The following ZNF100 variants were observed in gnomAD, a reference collection of about 807,000 sequenced individuals.
The protein encoded by ZNF100 is zinc finger protein 100 (Y1).
ZNF100 carries 12 observed loss-of-function variants against 15.8 expected under a neutral mutation model. The observed-to-expected ratio is 0.76, with a 90% confidence interval of 0.49 to 1.23. The LOEUF is 1.23. ZNF100 is among the 50% of genes most tolerant of loss of function. The probability of loss-of-function intolerance (pLI) is 0.00; values close to 1 mark genes in which losing one functional copy is unlikely to be tolerated. For synonymous variants in ZNF100, 226 were observed against 214.8 expected (o/e 1.05, Z -0.45); for missense variants, 670 against 635.6 (o/e 1.05, Z -0.58).
rs1326049177 is a variant in ZNF100, at chr19:21,724,209, TA to T, written c.*2473del. On this transcript the variant is annotated 3_prime_UTR_variant, in exon 5 of 5. Transcript: ENST00000358296. ...ACAAAGCAGAGAATACATTTTCTTT[TA>T]GCATTTTTGAGGCTTTTAGTTTTCT... The T allele has an allele frequency of 6.6e-6, 1 of 152,198 alleles. No homozygotes were observed. The highest frequency in any genetic ancestry group is 1.5e-5 in the Non-Finnish European group (1 of 68,016). 9.4% of individuals were successfully genotyped at this position (152,198 alleles called of 1,614,324 possible).
At chr19:21,752,088 G>A in intron 2 of ZNF100, 1 of 206,952 alleles carries the variant, frequency 4.8e-6, no homozygotes, top group Non-Finnish European at 9.5e-6. Flanking sequence ...GAAAAGAATG[G>A]GACCTTGTCA....
chr19:21,729,449 T>G (rs2035874572), intron 4 of ZNF100, among the ~76,000 whole-genome samples: 5 of 151,376 alleles, frequency 3.3e-5, no homozygotes, highest in Admixed American at 3.3e-4. Context: ...GGGATAGCAT[T>G]AGGAGAAATA....
chr19:21,743,692 T>TC (rs1344311859), intron 4 of ZNF100, among the ~76,000 whole-genome samples: 1 of 151,814 alleles, frequency 6.6e-6, no homozygotes, highest in Admixed American at 6.6e-5. Context: ...TATCTGTGTG[T>TC]CCCCCCAAAT....
At chr19:21,756,590 T>G (rs747566608) in intron 2 of ZNF100, among the ~76,000 whole-genome samples, 1 of 152,082 alleles carries the variant, frequency 6.6e-6, no homozygotes, top group Non-Finnish European at 1.5e-5. Context: ...AAGTGAGAGA[T>G]GACATAAACA....
intron 2 of ZNF100, chr19:21,747,004 A>G (rs2036223130): frequency 1.3e-5 from 2 of 152,184 alleles, no homozygotes; most frequent in Admixed American, 1.3e-4. Context: ...AAGTCCACCC[A>G]TACCTCTCCC....
intron 2 of ZNF100, among the ~76,000 whole-genome samples, chr19:21,761,969 G>A (rs951048644): frequency 4.6e-5 from 7 of 152,196 alleles, no homozygotes; most frequent in African/African-American, 1.7e-4. Flanking sequence ...TGGCTCACCA[G>A]CACTTGGGAG....
At chr19:21,740,557 A>G (rs574845912) in intron 4 of ZNF100, among the ~76,000 whole-genome samples, 27 of 152,246 alleles carry the variant, frequency 1.8e-4, no homozygotes, top group African/African-American at 6.5e-4. Context: ...GTCACATGTG[A>G]TAAGAGTTAA....
Position 21,726,532 on chromosome 19 carries a change from C to T in ZNF100, c.*151G>A. 1 of 700,728 alleles carries T rather than the reference C, an allele frequency of 1.4e-6. No homozygotes were observed. Among genetic ancestry groups the T allele is most frequent in the South Asian group, 2.8e-5 (1 of 35,388 alleles). The allele number at this position is 700,728 out of a possible 1,614,324, so 43.4% of individuals were successfully genotyped here. ...CACATCTTTCTGGTTTGTAGAATTT[C>T]TCTCTAGTATGAATTATCTTATGTC... is the stretch of plus-strand genomic sequence containing the variant. On this transcript the variant is annotated 3_prime_UTR_variant, in exon 5 of 5. Transcript: ENST00000358296.
rs375847733 is a variant in ZNF100, at chr19:21,725,744, A to C, written c.*939T>G. ...AACTGCAAAAAATTTCTACTTTTAA[A>C]GTTATATACAAATATTTTACCAATT... On this transcript the variant is annotated 3_prime_UTR_variant, in exon 5 of 5. Coordinates refer to ENST00000358296, the MANE Select transcript of ZNF100 (RefSeq NM_173531.4). 6.6e-6 allele frequency: 1 copy of C among 152,178 alleles called. No individual in the cohort carries two copies. Among genetic ancestry groups the C allele is most frequent in the Non-Finnish European group, 1.5e-5 (1 of 67,992 alleles). 9.4% of individuals were successfully genotyped at this position (152,178 alleles called of 1,614,324 possible).
Position 21,727,595 on chromosome 19 carries a change from G to A in ZNF100, c.717C>T (p.Gly239=). The change falls in exon 5 of 5, where the codon GGC becomes GGT. Residue 239 remains glycine, a synonymous_variant. Coordinates refer to ENST00000358296, the MANE Select transcript of ZNF100 (RefSeq NM_173531.4). Reference sequence around the variant, plus strand: ...GGGTTGAGAACCAGTTGAAGGCTTTGCCACAATCTTTACATTGGTAGGAAT... The same window carrying A: ...GGGTTGAGAACCAGTTGAAGGCTTTACCACAATCTTTACATTGGTAGGAAT... ...TENSYQCKDC[G]KAFNWFSTLT... 1.2e-6 allele frequency: 2 copies of A among 1,613,002 alleles called. No individual in the cohort carries two copies.
In ZNF100 at chr19:21,723,473, A is replaced by G. The variant is rs2035718803; in HGVS notation, c.*3210T>C. ...TGAGAAAACTGAAGCCATAACACAG[A>G]AAAAGGAGATGGGCTGTGCTGCATA... On this transcript the variant is annotated 3_prime_UTR_variant, in exon 5 of 5. Coordinates refer to ENST00000358296, the MANE Select transcript of ZNF100 (RefSeq NM_173531.4). 1 of 152,204 alleles carries G rather than the reference A, an allele frequency of 6.6e-6. No individual in the cohort carries two copies. Among genetic ancestry groups the G allele is most frequent in the Non-Finnish European group, 1.5e-5 (1 of 68,054 alleles). 9.4% of individuals were successfully genotyped at this position (152,204 alleles called of 1,614,324 possible).
At chr19:21,728,766 A>G (rs984891867) in intron 4 of ZNF100, among the ~76,000 whole-genome samples, 1 of 152,056 alleles carries the variant, frequency 6.6e-6, no homozygotes, top group East Asian at 1.9e-4. Flanking sequence ...ATATGGTTCC[A>G]TAAAAATATA....
chr19:21,733,045 A>C (rs1421422293), intron 4 of ZNF100, among the ~76,000 whole-genome samples: 1 of 152,182 alleles, frequency 6.6e-6, no homozygotes, highest in Admixed American at 6.5e-5. Context: ...AGAGAAACAT[A>C]GTGAAACTCT....
At chr19:21,741,528 C>T (rs1396044475) in intron 4 of ZNF100, among the ~76,000 whole-genome samples, 2 of 152,080 alleles carry the variant, frequency 1.3e-5, no homozygotes, top group African/African-American at 4.8e-5. Context: ...GCACCTGTCA[C>T]AAGGCCCCGC....
At chr19:21,749,494 T>C (rs910989154) in intron 2 of ZNF100, among the ~76,000 whole-genome samples, 9 of 152,202 alleles carry the variant, frequency 5.9e-5, no homozygotes, top group African/African-American at 1.9e-4. Context: ...TGATTCTAAA[T>C]AGAAAATGGA....
At chr19:21,759,297 T>C (rs1035779203) in intron 2 of ZNF100, among the ~76,000 whole-genome samples, 7 of 152,066 alleles carry the variant, frequency 4.6e-5, no homozygotes, top group Non-Finnish European at 8.8e-5. Flanking sequence ...AAGAAATGTA[T>C]AGAACAAAAA....
chr19:21,754,587 C>A (rs1251605219), intron 2 of ZNF100, among the ~76,000 whole-genome samples: 2 of 152,062 alleles, frequency 1.3e-5, no homozygotes, highest in Non-Finnish European at 2.9e-5. Flanking sequence ...TAGCCATATG[C>A]AGAAAACTGA....
chr19:21,754,401 C>T (rs1471645847), intron 2 of ZNF100, among the ~76,000 whole-genome samples: 1 of 151,940 alleles, frequency 6.6e-6, no homozygotes, highest in African/African-American at 2.4e-5. Context: ...ATCATTATTT[C>T]AATAGAAAAA....
chr19:21,735,597 G>A (rs987852008), intron 4 of ZNF100, among the ~76,000 whole-genome samples: 30 of 150,528 alleles, frequency 2.0e-4, no homozygotes, highest in African/African-American at 6.6e-4. Context: ...CACATGCAAC[G>A]ACACACATAG....
Sources: allele counts gnomAD v4.1 joint callset (sites outside exome capture counted in the v4.1 genomes callset), GRCh38; gene constraint gnomAD v4.1.1; transcripts MANE v1.5; gene names NCBI Gene and HGNC (gene_info 2026-07-23, HGNC 2026-07-21).